ATG5: variants seen among roughly 807,000 people sequenced by gnomAD.
The protein encoded by ATG5 is autophagy related 5.
In ATG5, 14 loss-of-function variants were observed where a neutral mutation model predicts 36.5. That is an observed-to-expected ratio of 0.38 (90% CI 0.25 to 0.60). The LOEUF (loss-of-function observed/expected upper bound fraction) is 0.60. ATG5 is among the 20% of genes least tolerant of loss of function. The pLI, the probability that ATG5 is intolerant of heterozygous loss-of-function variation, is 0.60. For synonymous variants in ATG5, 95 were observed against 101.5 expected (o/e 0.94, Z 0.38); for missense variants, 195 against 326.7 (o/e 0.60, Z 3.11).
chr6:106,282,754 T>C (rs886947044), intron 4 of ATG5, among the ~76,000 whole-genome samples: 13 of 152,158 alleles, frequency 8.5e-5, no homozygotes, highest in African/African-American at 1.4e-4. Flanking sequence ...TCTGTATCTA[T>C]TGATTTTTCT....
At chr6:106,264,826 A>C (rs1445878214) in intron 5 of ATG5, among the ~76,000 whole-genome samples, 2 of 152,200 alleles carry the variant, frequency 1.3e-5, no homozygotes, top group African/African-American at 2.4e-5. Context: ...CCTGCCCTAC[A>C]AGAGCTCCTG....
In ATG5 at chr6:106,215,995, A is replaced by G. The variant is rs188295651; in HGVS notation, c.574-13906T>C. ...ATACGAATGGCTAGTTAAATGCATG[A>G]AAAGATGTTTAGCATCACTGGTCAT... On this transcript the variant is annotated intron_variant, in intron 6 of 7. Transcript: ENST00000369076. Among the ~76,000 whole-genome samples the G allele has an allele frequency of 5.2e-3, 791 of 152,350 alleles. 4 individuals are homozygous for G. Among genetic ancestry groups the G allele is most frequent in the South Asian group, 0.017 (81 of 4,828 alleles).
intron 6 of ATG5, among the ~76,000 whole-genome samples, chr6:106,237,329 T>C (rs1287903300): frequency 6.6e-6 from 1 of 152,168 alleles, no homozygotes; most frequent in Non-Finnish European, 1.5e-5. Context: ...TGAACCAAAC[T>C]ATGCCCATGA....
At chr6:106,308,266 T>C in intron 3 of ATG5, 98 bp downstream of exon 3, 1 of 1,057,916 alleles carries the variant, frequency 9.5e-7, no homozygotes, top group Non-Finnish European at 1.3e-6. Context: ...TAATGACTTC[T>C]ATCCTCGCAG....
intron 5 of ATG5, among the ~76,000 whole-genome samples, chr6:106,255,072 T>C (rs925969244): frequency 4.6e-5 from 7 of 152,220 alleles, no homozygotes; most frequent in African/African-American, 1.7e-4. Flanking sequence ...TTAGTTGCCA[T>C]TTACCTCCCA....
chr6:106,294,668 A>C (rs968670946), intron 3 of ATG5, among the ~76,000 whole-genome samples: 2 of 143,150 alleles, frequency 1.4e-5, no homozygotes, highest in Non-Finnish European at 3.0e-5. Flanking sequence ...CTCTGTCTCT[A>C]CCCAAAAATA....
chr6:106,187,143 T>G (rs2114296871), intron 7 of ATG5, among the ~76,000 whole-genome samples: 1 of 152,336 alleles, frequency 6.6e-6, no homozygotes, highest in South Asian at 2.1e-4. Context: ...AGATGTTTAG[T>G]AAGACACAGG....
intron 7 of ATG5, among the ~76,000 whole-genome samples, chr6:106,200,022 A>G (rs1303174709): frequency 6.6e-6 from 1 of 152,190 alleles, no homozygotes; most frequent in Non-Finnish European, 1.5e-5. Context: ...CCTTTCTGGC[A>G]TTGGTTCTGA....
At chr6:106,202,176 C>T in intron 6 of ATG5, 87 bp from the exon 7 acceptor site, 1 of 957,108 alleles carries the variant, frequency 1.0e-6, no homozygotes, top group Non-Finnish European at 1.7e-6. Context: ...TTTATGTTGG[C>T]ATTAGGTGCC....
At chr6:106,213,248 C>G (rs1277783489) in intron 6 of ATG5, among the ~76,000 whole-genome samples, 1 of 152,116 alleles carries the variant, frequency 6.6e-6, no homozygotes, top group African/African-American at 2.4e-5. Flanking sequence ...AACTGTAATA[C>G]AGTGTTATGT....
At chr6:106,244,831 A>G (rs1778267371) in intron 6 of ATG5, among the ~76,000 whole-genome samples, 1 of 152,220 alleles carries the variant, frequency 6.6e-6, no homozygotes, top group Non-Finnish European at 1.5e-5. Context: ...TTTCTTACCC[A>G]AAGTATAATG....
intron 5 of ATG5, among the ~76,000 whole-genome samples, chr6:106,265,882 C>T (rs373527409): frequency 1.3e-5 from 2 of 152,126 alleles, no homozygotes; most frequent in Non-Finnish European, 2.9e-5. Flanking sequence ...TAAATGCCCA[C>T]ATCAGAAAGC....
chr6:106,205,468 T>A (rs924369637), intron 6 of ATG5, among the ~76,000 whole-genome samples: 1 of 152,208 alleles, frequency 6.6e-6, no homozygotes, highest in African/African-American at 2.4e-5. Flanking sequence ...ATATCCTCAT[T>A]TGATCATTAC....
intron 3 of ATG5, among the ~76,000 whole-genome samples, chr6:106,308,151 T>C (rs1770518348): frequency 1.3e-5 from 2 of 152,198 alleles, no homozygotes; most frequent in African/African-American, 4.8e-5. Context: ...TTGCTAAAAA[T>C]ATATGAATCT....
intron 3 of ATG5, among the ~76,000 whole-genome samples, chr6:106,295,030 C>T (rs1333188375): frequency 1.3e-5 from 2 of 148,248 alleles, no homozygotes; most frequent in African/African-American, 2.5e-5. Context: ...ACTCTCGCCT[C>T]AGTCAAAACC....
chr6:106,316,147 G>A lies in ATG5; in HGVS notation c.62C>T (p.Thr21Met), dbSNP rs1333025395. The A allele has an allele frequency of 8.7e-6, 14 of 1,613,350 alleles. No individual in the cohort carries two copies. The highest frequency in any genetic ancestry group is 2.2e-5 in the East Asian group (1 of 44,834). Residue 21 changes from threonine (T) to methionine (M), a missense_variant, in exon 2 of 8, where the codon ACG becomes ATG. By Grantham distance (81) the Thr-to-Met change is moderately conservative (BLOSUM62 -1). Coordinates refer to ENST00000369076, the MANE Select transcript of ATG5 (RefSeq NM_004849.4). ...VWFGRIPTCFTLYQDEITERE... is the reference protein window; with the variant it reads ...VWFGRIPTCFMLYQDEITERE... ...TTCAGTTATCTCATCCTGATATAGCGTGAAACAAGTTGGAATTCGTCCAAA... is the reference window on the plus strand; with the variant it reads ...TTCAGTTATCTCATCCTGATATAGCATGAAACAAGTTGGAATTCGTCCAAA...
chr6:106,251,709 AAGAAAGAAAGAAAGAGAAAG>A (rs1223503306), intron 5 of ATG5, among the ~76,000 whole-genome samples: 2 of 141,558 alleles, frequency 1.4e-5, no homozygotes, highest in South Asian at 2.4e-4. Flanking sequence ...GAAAGAGAAA[AAGAAAGAAAGAAAGAGAAAG>A]AGAAAGAAAG....
chr6:106,308,143 G>A (rs1410334866), intron 3 of ATG5, among the ~76,000 whole-genome samples: 1 of 152,042 alleles, frequency 6.6e-6, no homozygotes, highest in Non-Finnish European at 1.5e-5. Context: ...AAAATCTATT[G>A]CTAAAAATAT....
intron 1 of ATG5, among the ~76,000 whole-genome samples, chr6:106,322,349 C>T (rs1412604940): frequency 6.6e-6 from 1 of 152,152 alleles, no homozygotes; most frequent in East Asian, 1.9e-4. Context: ...ACTGACAAAA[C>T]CCCCAACTAC....
Sources: gnomAD v4.1 joint callset for allele counts (sites outside exome capture counted in the v4.1 genomes callset) on GRCh38, gnomAD v4.1.1 for gene constraint, MANE v1.5 for transcripts, NCBI Gene and HGNC (gene_info 2026-07-23, HGNC 2026-07-21) for gene names.